Variants in CHCHD3 observed in about 807,000 individuals in gnomAD.
The protein encoded by CHCHD3 is coiled-coil-helix-coiled-coil-helix domain containing 3.
Under a neutral mutation model 38.2 loss-of-function variants are expected in CHCHD3, and 20 were observed. That is an observed-to-expected ratio of 0.52 (90% confidence interval 0.37 to 0.76). The LOEUF is 0.76. CHCHD3 is among the 30% of genes least tolerant of loss of function. The pLI, the probability that CHCHD3 is intolerant of heterozygous loss-of-function variation, is 0.00. For missense variants in CHCHD3, 245 were observed against 279.2 expected (o/e 0.88, Z 0.87); for synonymous variants, 82 against 100.0 (o/e 0.82, Z 1.07).
chr7:132,936,179 C>A (rs1810628700), intron 4 of CHCHD3, among the ~76,000 whole-genome samples: 1 of 152,168 alleles, frequency 6.6e-6, no homozygotes, highest in African/African-American at 2.4e-5. Context: ...TAGTGCCCGG[C>A]ATGAGTAAGC....
intron 1 of CHCHD3, among the ~76,000 whole-genome samples, chr7:133,076,020 C>A (rs1300699785): frequency 2.1e-5 from 3 of 139,680 alleles, no homozygotes; most frequent in Non-Finnish European, 4.5e-5. Context: ...GATCGCACCA[C>A]TGCACTCCAG....
intron 5 of CHCHD3, among the ~76,000 whole-genome samples, chr7:132,839,798 C>A (rs12671349): frequency 0.024 from 3,677 of 152,200 alleles, 350 homozygotes; most frequent in Admixed American, 0.17. Context: ...GTGGCTAGAG[C>A]CATAGACAGG....
chr7:132,964,708 C>A (rs1811413071), intron 4 of CHCHD3, among the ~76,000 whole-genome samples: 1 of 152,140 alleles, frequency 6.6e-6, no homozygotes, highest in Admixed American at 6.5e-5. Context: ...TATGACAGGC[C>A]ATGGCAAACT....
intron 4 of CHCHD3, among the ~76,000 whole-genome samples, chr7:132,905,449 G>A (rs143350503): frequency 2.0e-3 from 302 of 152,138 alleles, no homozygotes; most frequent in Non-Finnish European, 2.6e-3. Flanking sequence ...GGCCTGCTGG[G>A]GGGCTGTCGG....
At chr7:132,986,417 GAAAAAAGA>G (rs1488119486) in intron 3 of CHCHD3, among the ~76,000 whole-genome samples, 2 of 52,592 alleles carry the variant, frequency 3.8e-5, no homozygotes, top group South Asian at 6.4e-4. Context: ...AAAAGAAAAA[GAAAAAAGA>G]AAAAAAAAAA....
intron 4 of CHCHD3, among the ~76,000 whole-genome samples, chr7:132,919,246 C>A (rs1246579845): frequency 6.6e-6 from 1 of 151,484 alleles, no homozygotes; most frequent in Non-Finnish European, 1.5e-5. Flanking sequence ...GTAGCTGGGA[C>A]TACAGGCGCC....
At chr7:132,903,567 C>G (rs558602579) in intron 4 of CHCHD3, among the ~76,000 whole-genome samples, 1 of 152,196 alleles carries the variant, frequency 6.6e-6, no homozygotes, top group South Asian at 2.1e-4. Flanking sequence ...CAGGCAGATC[C>G]ATCTCTAGGT....
intron 2 of CHCHD3, among the ~76,000 whole-genome samples, chr7:133,049,493 C>G (rs1248242091): frequency 6.6e-6 from 1 of 152,172 alleles, no homozygotes; most frequent in Non-Finnish European, 1.5e-5. Flanking sequence ...ACTTTGAAGA[C>G]TATAATGTGC....
At position 132,788,591 on chromosome 7, in the gene CHCHD3, C is replaced by A. The variant is rs147693423; in HGVS notation, c.661-2931G>T. ...TAGATGGGTAATTTTTCAGCCAAAT[C>A]ATATCATGCTAAGAATGTTAGGCTC... On this transcript the variant is annotated intron_variant, in intron 7 of 7. Transcript: ENST00000262570. The surrounding 1 kb of genome is among the most constrained non-coding windows in gnomAD (Gnocchi z 4.0). Among the ~76,000 whole-genome samples, 1 of 152,292 alleles carries A rather than the reference C, an allele frequency of 6.6e-6. No individual in the cohort carries two copies. The highest frequency in any genetic ancestry group is 2.4e-5 in the African/African-American group (1 of 41,566).
At chr7:132,885,807 C>A in intron 4 of CHCHD3, 62 bp from the exon 5 acceptor site, 2 of 1,211,322 alleles carry the variant, frequency 1.7e-6, no homozygotes, top group South Asian at 1.5e-5. Context: ...AAGCAAAAGT[C>A]AAGAATAAAT....
intron 5 of CHCHD3, among the ~76,000 whole-genome samples, chr7:132,862,454 T>C (rs918856136): frequency 1.3e-5 from 2 of 152,202 alleles, no homozygotes; most frequent in East Asian, 1.9e-4. Flanking sequence ...AAGTACATAA[T>C]CTTAATTTAA....
At chr7:133,055,024 C>T (rs996473732) in intron 2 of CHCHD3, among the ~76,000 whole-genome samples, 2 of 151,778 alleles carry the variant, frequency 1.3e-5, no homozygotes, top group African/African-American at 2.4e-5. Flanking sequence ...AATAAGTAAC[C>T]GTTTTTAAAA....
chr7:133,022,564 C>T (rs1813215396), intron 3 of CHCHD3: 1 of 436,882 alleles, frequency 2.3e-6, no homozygotes, highest in Non-Finnish European at 4.6e-6. Flanking sequence ...GATGAACACA[C>T]ATTTTTTGCC....
intron 1 of CHCHD3, among the ~76,000 whole-genome samples, chr7:133,072,621 C>T (rs1484434397): frequency 2.0e-5 from 3 of 151,958 alleles, no homozygotes; most frequent in Admixed American, 6.6e-5. Context: ...GGGCGGATCA[C>T]GAGGTCAGGA....
At chr7:132,860,558 G>A (rs1359239399) in intron 5 of CHCHD3, among the ~76,000 whole-genome samples, 1 of 151,956 alleles carries the variant, frequency 6.6e-6, no homozygotes, top group African/African-American at 2.4e-5. Context: ...CATGTAATGG[G>A]TTTGGATTTT....
intron 7 of CHCHD3, among the ~76,000 whole-genome samples, chr7:132,786,008 T>A (rs73441221): frequency 6.6e-6 from 1 of 152,052 alleles, no homozygotes; most frequent in African/African-American, 2.4e-5. Context: ...TGAAACCCAA[T>A]CTCTACCAAA....
chr7:133,023,348 A>AT (rs1382291448), intron 3 of CHCHD3, among the ~76,000 whole-genome samples: 5 of 152,222 alleles, frequency 3.3e-5, no homozygotes, highest in African/African-American at 1.2e-4. Flanking sequence ...GTCAAAAGAA[A>AT]TATTAAATAA....
intron 5 of CHCHD3, among the ~76,000 whole-genome samples, chr7:132,848,774 C>G (rs1473300799): frequency 6.6e-6 from 1 of 152,094 alleles, no homozygotes; most frequent in East Asian, 1.9e-4. Context: ...GTAAGAAAAG[C>G]AGCCCTCCAA....
rs182031000 is a variant in CHCHD3, at chr7:132,901,520, A to C, written c.370-15775T>G. On this transcript the variant is annotated intron_variant, in intron 4 of 7. Coordinates refer to ENST00000262570, the MANE Select transcript of CHCHD3 (RefSeq NM_017812.4). ...GGTCCTCTTGTCTGACTCAGTCCTC[A>C]GGCCTGGCTGGTTTAGACTTAGCTT... is the stretch of plus-strand genomic sequence containing the variant. 2.5e-3 allele frequency among the ~76,000 whole-genome samples: 376 copies of C among 152,316 alleles called. 5 individuals carry two copies. The highest frequency in any genetic ancestry group is 3.9e-3 in the Non-Finnish European group (264 of 68,020).
Sources: gnomAD v4.1 joint callset for allele counts (sites outside exome capture counted in the v4.1 genomes callset) on GRCh38, gnomAD v4.1.1 for gene constraint, Gnocchi (gnomAD v3.1) non-coding constraint, MANE v1.5 for transcripts, NCBI Gene and HGNC (gene_info 2026-07-23, HGNC 2026-07-21) for gene names.